Variants in EPB41L1 observed in about 807,000 individuals in gnomAD.
EPB41L1 encodes the protein band 4.1-like protein 1.
In EPB41L1, 29 loss-of-function variants were observed where a neutral mutation model predicts 97.8. That is an observed-to-expected ratio of 0.30 (90% CI 0.22 to 0.40). EPB41L1 has a LOEUF of 0.40. EPB41L1 is among the 10% of genes least tolerant of loss of function. The probability of loss-of-function intolerance (pLI) is 1.00; values close to 1 mark genes in which losing one functional copy is unlikely to be tolerated. For synonymous variants in EPB41L1, 383 were observed against 459.2 expected (o/e 0.83, Z 2.12); for missense variants, 812 against 1,162.3 (o/e 0.70, Z 4.38).
At chr20:36,203,610 G>A (rs1290445297) in intron 14 of EPB41L1, among the ~76,000 whole-genome samples, 1 of 152,240 alleles carries the variant, frequency 6.6e-6, no homozygotes, top group Admixed American at 6.5e-5. Context: ...GGAGGCAGCT[G>A]AAGGAACCTG....
chr20:36,214,416 C>A lies in EPB41L1; in HGVS notation c.2244C>A (p.Thr748=). 1 of 1,613,548 alleles carries A rather than the reference C, an allele frequency of 6.2e-7. No homozygotes were observed. The highest frequency in any genetic ancestry group is 2.2e-5 in the East Asian group (1 of 44,858). Residue 748 remains threonine (T), a synonymous_variant, in exon 17 of 22, where the codon ACC becomes ACA. Coordinates refer to ENST00000338074, the MANE Select transcript of EPB41L1 (RefSeq NM_012156.2). Reference sequence around the variant, plus strand: ...TCATAGCAACCACTCCCTCCATCACCACGGAGACCATATCGACCACCATGG... The same window carrying A: ...TCATAGCAACCACTCCCTCCATCACAACGGAGACCATATCGACCACCATGG... The part of the protein sequence containing the change: ...REFIATTPSI[T]TETISTTMEN...
chr20:36,223,287 G>T (rs2063900975), intron 21 of EPB41L1, among the ~76,000 whole-genome samples: 1 of 152,210 alleles, frequency 6.6e-6, no homozygotes, highest in Non-Finnish European at 1.5e-5. Flanking sequence ...GCCTGCCTCA[G>T]CCTCCCAAAG....
chr20:36,109,138 G>A (rs1186716043), intron 1 of EPB41L1, among the ~76,000 whole-genome samples: 7 of 151,958 alleles, frequency 4.6e-5, no homozygotes, highest in Admixed American at 1.3e-4. Context: ...TAGTAGAGAC[G>A]GGGTTTCACC....
intron 14 of EPB41L1, among the ~76,000 whole-genome samples, chr20:36,204,666 G>A (rs146838248): frequency 0.03 from 4,139 of 137,528 alleles, 126 homozygotes; most frequent in South Asian, 0.16. Flanking sequence ...TTTTTTAGAC[G>A]GAGTCTCGCT....
At chr20:36,137,686 G>T (rs770209314) in intron 2 of EPB41L1, among the ~76,000 whole-genome samples, 4 of 151,858 alleles carry the variant, frequency 2.6e-5, no homozygotes, top group Non-Finnish European at 5.9e-5. Flanking sequence ...CACCGTGCCC[G>T]TCTGATTTTG....
chr20:36,135,514 T>C (rs531414058), intron 2 of EPB41L1, among the ~76,000 whole-genome samples: 1 of 152,352 alleles, frequency 6.6e-6, no homozygotes, highest in African/African-American at 2.4e-5. Context: ...CGTTTCTCTC[T>C]CCATAAAATG....
chr20:36,155,226 G>T (rs1172699654), intron 1 of EPB41L1: 1 of 454,344 alleles, frequency 2.2e-6, no homozygotes, highest in Admixed American at 2.4e-5. Context: ...AGAGGCCAAG[G>T]GCTCTTTGGA....
intron 1 of EPB41L1, among the ~76,000 whole-genome samples, chr20:36,164,601 A>G (rs2060662183): frequency 6.6e-6 from 1 of 152,236 alleles, no homozygotes; most frequent in Non-Finnish European, 1.5e-5. Context: ...GCATACAAAG[A>G]CATGCTTCTT....
At chr20:36,205,375 C>T (rs1192746406) in intron 14 of EPB41L1, among the ~76,000 whole-genome samples, 1 of 152,226 alleles carries the variant, frequency 6.6e-6, no homozygotes, top group Non-Finnish European at 1.5e-5. Flanking sequence ...CACTGTCCAT[C>T]TCTAGACCTG....
At position 36,190,841 on chromosome 20, in the gene EPB41L1, G is replaced by T; in HGVS notation, c.1300+44G>T. ...GGCTGGGCGGGGAATGGTCTTCAGA[G>T]GGAACTGGGGGAGTGGGCATGCTGG... On this transcript the variant is annotated intron_variant, in intron 11 of 21. Transcript: ENST00000338074. The surrounding 1 kb of genome is among the most constrained non-coding windows in gnomAD (Gnocchi z 5.8). 1 of 1,605,804 alleles carries T rather than the reference G, an allele frequency of 6.2e-7. No homozygotes were observed.
At chr20:36,183,862 A>G (rs929268153) in intron 6 of EPB41L1, among the ~76,000 whole-genome samples, 3 of 152,184 alleles carry the variant, frequency 2.0e-5, no homozygotes, top group African/African-American at 4.8e-5. Context: ...GAGGCTGCAC[A>G]TACTTTTTGC....
At chr20:36,198,067 T>G in intron 14 of EPB41L1, 26 bp downstream of exon 14, 2 of 1,603,390 alleles carry the variant, frequency 1.2e-6, no homozygotes, top group Non-Finnish European at 1.7e-6. Flanking sequence ...AACCCCTCGA[T>G]AGGGGCCTTG....
chr20:36,193,310 G>C (rs575493205), intron 11 of EPB41L1, among the ~76,000 whole-genome samples: 10 of 152,288 alleles, frequency 6.6e-5, no homozygotes, highest in African/African-American at 2.2e-4. Context: ...GGATAAGTCA[G>C]TCCCATTCCA....
intron 1 of EPB41L1, among the ~76,000 whole-genome samples, chr20:36,158,780 A>G (rs2060415664): frequency 6.6e-6 from 1 of 152,220 alleles, no homozygotes; most frequent in Non-Finnish European, 1.5e-5. Context: ...TGTTATATAA[A>G]GCACCTAGTG....
intron 2 of EPB41L1, among the ~76,000 whole-genome samples, chr20:36,116,192 G>A (rs1236439107): frequency 6.6e-6 from 1 of 152,176 alleles, no homozygotes; most frequent in African/African-American, 2.4e-5. Flanking sequence ...GTCAGGGAAA[G>A]GGGGAGAAGG....
chr20:36,151,101 G>C (rs532011738), upstream of EPB41L1: 1 of 152,406 alleles, frequency 6.6e-6, no homozygotes, highest in African/African-American at 2.4e-5. Context: ...GTGTTTGGTT[G>C]AATCTCTGCC....
intron 2 of EPB41L1, among the ~76,000 whole-genome samples, chr20:36,143,747 G>A (rs1050455676): frequency 6.6e-6 from 1 of 151,952 alleles, no homozygotes; most frequent in Non-Finnish European, 1.5e-5. Flanking sequence ...TGTGTGTGCA[G>A]GTGCATACCC....
At chr20:36,205,078 T>A (rs2062724668) in intron 14 of EPB41L1, among the ~76,000 whole-genome samples, 1 of 152,204 alleles carries the variant, frequency 6.6e-6, no homozygotes, top group South Asian at 2.1e-4. Context: ...TTCTTTTAGA[T>A]TGAACACCAC....
At chr20:36,100,905 G>A (rs1406003640) in intron 1 of EPB41L1, among the ~76,000 whole-genome samples, 1 of 152,180 alleles carries the variant, frequency 6.6e-6, no homozygotes, top group Non-Finnish European at 1.5e-5. Flanking sequence ...GGCCCGCCAA[G>A]GCTCTGAGCC....
Sources: allele counts gnomAD v4.1 joint callset (sites outside exome capture counted in the v4.1 genomes callset), GRCh38; gene constraint gnomAD v4.1.1; non-coding constraint Gnocchi (gnomAD v3.1); transcripts MANE v1.5; gene names NCBI Gene and HGNC (gene_info 2026-07-23, HGNC 2026-07-21).